Variants in SCIN observed in about 807,000 individuals in gnomAD.
SCIN encodes scinderin, also known as adseverin.
SCIN carries 91 observed loss-of-function variants against 91.8 expected under a neutral mutation model. That is an observed-to-expected ratio of 0.99 (90% CI 0.84 to 1.18). The LOEUF (loss-of-function observed/expected upper bound fraction) is 1.18, where lower values mean the gene tolerates loss of function less well. SCIN is among the 50% of genes most tolerant of loss of function. SCIN has a pLI of 0.00. For synonymous variants in SCIN, 367 were observed against 312.6 expected (o/e 1.17, Z -1.84); for missense variants, 1,087 against 863.9 (o/e 1.26, Z -3.24).
In SCIN at chr7:12,636,055, A is replaced by T; in HGVS notation, c.1330A>T (p.Asn444Tyr). ...GQIIYTWQGA[N>Y]ATRDELTTSA... ...CTTTCATTCCTCTAGGCAAGGAGCA[A>T]ATGCCACACGAGATGAGCTGACAAC... The change falls in exon 10 of 16, where the codon AAT becomes TAT. Residue 444 changes from asparagine to tyrosine, a missense_variant. Physicochemically the swap from Asn to Tyr is moderately radical, Grantham distance 143. Transcript: ENST00000297029. The T allele has an allele frequency of 6.2e-7, 1 of 1,612,392 alleles. No homozygotes were observed. The highest frequency in any genetic ancestry group is 8.5e-7 in the Non-Finnish European group (1 of 1,179,330).
At chr7:12,638,660 A>T (rs1329349655) in intron 10 of SCIN, among the ~76,000 whole-genome samples, 1 of 152,224 alleles carries the variant, frequency 6.6e-6, no homozygotes, top group African/African-American at 2.4e-5. Flanking sequence ...GACACTTCAG[A>T]ACATAAAGTA....
chr7:12,629,551 TG>T (rs1783601238), intron 9 of SCIN, among the ~76,000 whole-genome samples: 1 of 152,114 alleles, frequency 6.6e-6, no homozygotes, highest in Non-Finnish European at 1.5e-5. Flanking sequence ...TCAGGTACCA[TG>T]GTTTCTTATG....
intron 4 of SCIN, among the ~76,000 whole-genome samples, chr7:12,605,552 C>T (rs1247929580): frequency 6.6e-6 from 1 of 152,150 alleles, no homozygotes; most frequent in Admixed American, 6.5e-5. Context: ...TTATGTTTCA[C>T]ATACACCTTA....
chr7:12,605,238 A>G (rs1353361882), intron 4 of SCIN, among the ~76,000 whole-genome samples: 1 of 152,102 alleles, frequency 6.6e-6, no homozygotes, highest in Non-Finnish European at 1.5e-5. Context: ...TTTTTGGTAG[A>G]CGCAGGGCTT....
chr7:12,586,065 G>C (rs1208775181), intron 3 of SCIN, among the ~76,000 whole-genome samples: 1 of 152,034 alleles, frequency 6.6e-6, no homozygotes, highest in Non-Finnish European at 1.5e-5. Context: ...TATATTGCTT[G>C]TCCATTTACT....
At chr7:12,627,643 G>A (rs1306762536) in intron 8 of SCIN, among the ~76,000 whole-genome samples, 4 of 152,270 alleles carry the variant, frequency 2.6e-5, no homozygotes, top group African/African-American at 4.8e-5. Flanking sequence ...GAATCTAAGC[G>A]GCATGGGTGT....
At chr7:12,592,755 G>A (rs1044106782) in intron 3 of SCIN, among the ~76,000 whole-genome samples, 14 of 152,124 alleles carry the variant, frequency 9.2e-5, no homozygotes, top group African/African-American at 2.9e-4. Context: ...GGTGGCAAGC[G>A]GACAAGAGAT....
intron 13 of SCIN, among the ~76,000 whole-genome samples, chr7:12,645,014 C>A: frequency 1.4e-5 from 1 of 69,592 alleles, no homozygotes; most frequent in African/African-American, 6.3e-5. Flanking sequence ...GAGCAAAACT[C>A]CGTTAAAAAA....
intron 13 of SCIN, among the ~76,000 whole-genome samples, chr7:12,645,666 C>T (rs1783951587): frequency 6.6e-6 from 1 of 152,048 alleles, no homozygotes; most frequent in Non-Finnish European, 1.5e-5. Flanking sequence ...TCGATAGGCC[C>T]CCAGTGTGTG....
At chr7:12,627,488 C>T (rs1305777440) in intron 8 of SCIN, among the ~76,000 whole-genome samples, 1 of 152,154 alleles carries the variant, frequency 6.6e-6, no homozygotes, top group Non-Finnish European at 1.5e-5. Flanking sequence ...TGCCAGATTT[C>T]TCCTAGAGCT....
chr7:12,628,135 A>G (rs1242446625), intron 8 of SCIN, among the ~76,000 whole-genome samples: 3 of 151,736 alleles, frequency 2.0e-5, no homozygotes, highest in African/African-American at 7.3e-5. Flanking sequence ...TTTCATCTAC[A>G]ATTCTCATCT....
intron 8 of SCIN, among the ~76,000 whole-genome samples, chr7:12,628,032 CGTGT>C (rs59555647): frequency 0.29 from 41,721 of 145,906 alleles, 6,111 homozygotes; most frequent in East Asian, 0.44. Flanking sequence ...AGTGTGCGCG[CGTGT>C]GTGTGTGTGT....
chr7:12,583,369 T>C (rs1226464927), intron 3 of SCIN, among the ~76,000 whole-genome samples: 1 of 152,190 alleles, frequency 6.6e-6, no homozygotes, highest in Admixed American at 6.5e-5. Flanking sequence ...GCAGTTATCA[T>C]CCCAGTTTCA....
intron 3 of SCIN, 43 bp downstream of exon 3, chr7:12,581,264 T>C: frequency 6.5e-7 from 1 of 1,526,986 alleles, no homozygotes; most frequent in Non-Finnish European, 8.9e-7. Flanking sequence ...GAAAAGTGAA[T>C]TGCTTTCGGA....
In SCIN at chr7:12,652,908, G is replaced by C. The variant is rs1784111450; in HGVS notation, c.*193G>C. On this transcript the variant is annotated 3_prime_UTR_variant, in exon 16 of 16. Coordinates refer to ENST00000297029, the MANE Select transcript of SCIN (RefSeq NM_001112706.3). ...CACTGGGGTCAGGATTTCGAGACCA[G>C]CCTGGCCAACATGGCGAAACCTCGC... 5.1e-6 allele frequency: 3 copies of C among 584,594 alleles called. No homozygotes were observed. The highest frequency in any genetic ancestry group is 4.4e-4 in the Middle Eastern group (1 of 2,268). The allele number at this position is 584,594 out of a possible 1,614,324, so 36.2% of individuals were successfully genotyped here. A position where few individuals can be genotyped will look rare whatever the true frequency, so the allele number is the denominator to read the frequency against.
rs927554814 is a variant in SCIN at position 12,654,442 on chromosome 7, G to A, written c.*1727G>A. On this transcript the variant is annotated 3_prime_UTR_variant, in exon 16 of 16. Transcript: ENST00000297029. The stretch of plus-strand genomic sequence containing the variant: ...TTTTCTTGCTATGGCAGTGTAACCT[G>A]TACTAATAAATATAGTGCTAGTCCT... 1.3e-5 allele frequency: 2 copies of A among 152,014 alleles called. No homozygotes were observed. The highest frequency in any genetic ancestry group is 2.4e-5 in the African/African-American group (1 of 41,390). 9.4% of individuals were successfully genotyped at this position (152,014 alleles called of 1,614,324 possible).
chr7:12,623,566 C>T (rs1390900113), intron 5 of SCIN, among the ~76,000 whole-genome samples: 2 of 152,096 alleles, frequency 1.3e-5, no homozygotes, highest in African/African-American at 2.4e-5. Context: ...ACAAAAACTG[C>T]AAGACACTCC....
chr7:12,630,165 T>C (rs1262224393), intron 9 of SCIN, among the ~76,000 whole-genome samples: 1 of 151,818 alleles, frequency 6.6e-6, no homozygotes, highest in African/African-American at 2.4e-5. Flanking sequence ...TGCATCCCCA[T>C]AGTCTGGTCA....
intron 2 of SCIN, among the ~76,000 whole-genome samples, chr7:12,578,891 G>A (rs186209774): frequency 4.0e-5 from 4 of 100,198 alleles, no homozygotes; most frequent in East Asian, 5.3e-4. Context: ...CTTTAAGGCA[G>A]CCTTCAGTAT....
Sources: allele counts gnomAD v4.1 joint callset (sites outside exome capture counted in the v4.1 genomes callset), GRCh38; gene constraint gnomAD v4.1.1; transcripts MANE v1.5; gene names NCBI Gene and HGNC (gene_info 2026-07-23, HGNC 2026-07-21).